The following DPP6 variants were observed in gnomAD, a reference collection of about 807,000 sequenced individuals.
DPP6 encodes the protein dipeptidyl peptidase like 6.
Under a neutral mutation model 122.6 loss-of-function variants are expected in DPP6, and 69 were observed. The ratio of observed to expected loss-of-function variants is 0.56; its 90% CI spans 0.46 to 0.69. The LOEUF (loss-of-function observed/expected upper bound fraction) is 0.69, where lower values mean the gene tolerates loss of function less well. DPP6 is among the 30% of genes least tolerant of loss of function. The pLI, the probability that DPP6 is intolerant of heterozygous loss-of-function variation, is 0.00. For synonymous variants in DPP6, 418 were observed against 433.1 expected (o/e 0.97, Z 0.43); for missense variants, 928 against 1,116.9 (o/e 0.83, Z 2.41).
chr7:154,152,076 CT>C (rs1235512814), intron 1 of DPP6, among the ~76,000 whole-genome samples: 3 of 151,014 alleles, frequency 2.0e-5, no homozygotes, highest in Non-Finnish European at 4.4e-5. Flanking sequence ...CTGTTGGACT[CT>C]TTTATGCCTT....
chr7:154,868,114 C>T (rs1161461102), intron 18 of DPP6, 21 bp downstream of exon 18: 2 of 1,579,022 alleles, frequency 1.3e-6, no homozygotes, highest in Admixed American at 1.8e-5. Flanking sequence ...CGTTTTTCCC[C>T]TCTAAAAGAA....
At chr7:154,141,810 C>T in intron 1 of DPP6, among the ~76,000 whole-genome samples, 1 of 152,164 alleles carries the variant, frequency 6.6e-6, no homozygotes, top group Non-Finnish European at 1.5e-5. Flanking sequence ...CAATCTTGGT[C>T]AGTACAGTCA....
chr7:154,048,486 G>A (rs921588988), upstream of DPP6, among the ~76,000 whole-genome samples: 3 of 74,104 alleles, frequency 4.0e-5, no homozygotes, highest in Non-Finnish European at 8.2e-5. Flanking sequence ...GATTTTCAGA[G>A]TGGAGAATAT....
the DPP6 span, among the ~76,000 whole-genome samples, chr7:153,778,605 T>C: frequency 2.7e-5 from 4 of 150,800 alleles, no homozygotes; most frequent in Non-Finnish European, 4.4e-5. Context: ...ACCATGATAA[T>C]CAAGAGAAAG....
intron 1 of DPP6, among the ~76,000 whole-genome samples, chr7:154,384,984 A>G (rs1257962923): frequency 6.6e-6 from 1 of 150,986 alleles, no homozygotes; most frequent in African/African-American, 2.4e-5. Context: ...TTATTTATTT[A>G]TTTATTTTGA....
chr7:153,858,163 G>A, the DPP6 span, among the ~76,000 whole-genome samples: 1 of 152,090 alleles, frequency 6.6e-6, no homozygotes, highest in Non-Finnish European at 1.5e-5. Flanking sequence ...AAAATGACAA[G>A]AGAGTTTTCT....
intron 17 of DPP6, among the ~76,000 whole-genome samples, chr7:154,855,235 G>A (rs997974146): frequency 5.3e-5 from 8 of 152,162 alleles, no homozygotes; most frequent in African/African-American, 1.7e-4. Context: ...AATGATGATA[G>A]TCTGCCAAGC....
intron 17 of DPP6, 149 bp downstream of exon 17, chr7:154,853,976 C>G (rs940336206): frequency 9.2e-7 from 1 of 1,091,452 alleles, no homozygotes; most frequent in Admixed American, 2.6e-5. Flanking sequence ...ATGCTGATCA[C>G]CAATATCAAC....
intron 1 of DPP6, among the ~76,000 whole-genome samples, chr7:154,351,481 G>A (rs1251659030): frequency 2.6e-5 from 4 of 152,092 alleles, no homozygotes; most frequent in Non-Finnish European, 5.9e-5. Flanking sequence ...AGATCAAAAG[G>A]GGTGGCCTCC....
intron 1 of DPP6, among the ~76,000 whole-genome samples, chr7:154,046,938 A>T (rs1231455842): frequency 6.6e-6 from 1 of 151,990 alleles, no homozygotes; most frequent in Non-Finnish European, 1.5e-5. Context: ...AACTGTTTCT[A>T]TTAGCCTGCA....
intron 1 of DPP6, among the ~76,000 whole-genome samples, chr7:154,200,151 G>T (rs2150783542): frequency 6.6e-6 from 1 of 152,052 alleles, no homozygotes; most frequent in East Asian, 1.9e-4. Context: ...ATCAGTCCAG[G>T]GTGTAGCTTG....
chr7:154,836,777 G>A (rs534090888), intron 16 of DPP6, among the ~76,000 whole-genome samples: 1 of 152,286 alleles, frequency 6.6e-6, no homozygotes, highest in Non-Finnish European at 1.5e-5. Flanking sequence ...CGTGACCTAA[G>A]CTCACTGAAA....
At chr7:154,500,449 G>A (rs11771308) in intron 3 of DPP6, among the ~76,000 whole-genome samples, 1 of 152,134 alleles carries the variant, frequency 6.6e-6, no homozygotes, top group Non-Finnish European at 1.5e-5. Context: ...CATTTTGAAT[G>A]GTAATTCCCA....
At chr7:154,096,466 A>G (rs1180626294) in intron 1 of DPP6, among the ~76,000 whole-genome samples, 2 of 139,244 alleles carry the variant, frequency 1.4e-5, no homozygotes, top group Non-Finnish European at 3.1e-5. Flanking sequence ...CAGTTAAGCA[A>G]GTCAGTAAAA....
At chr7:154,020,827 G>A (rs1280401650) in intron 1 of DPP6, among the ~76,000 whole-genome samples, 1 of 152,122 alleles carries the variant, frequency 6.6e-6, no homozygotes, top group East Asian at 1.9e-4. Context: ...AGAAACATGA[G>A]GCATTTAGGG....
chr7:154,885,539 A>G (rs1253796889), intron 21 of DPP6, 94 bp from the exon 22 acceptor site: 1 of 1,481,916 alleles, frequency 6.7e-7, no homozygotes, highest in African/African-American at 1.4e-5. Context: ...CCTGCATGGA[A>G]CTGGCTGCTC....
chr7:153,841,398 C>T, the DPP6 span, among the ~76,000 whole-genome samples: 1 of 152,172 alleles, frequency 6.6e-6, no homozygotes, highest in Non-Finnish European at 1.5e-5. Context: ...TCCAAGATTT[C>T]GTCTTGTTGA....
chr7:154,222,515 C>T (rs7795031), intron 1 of DPP6, among the ~76,000 whole-genome samples: 124,683 of 146,848 alleles, frequency 0.85, 53,908 homozygotes, highest in African/African-American at 0.89. Flanking sequence ...ATTAGCCGGG[C>T]GTGGTGGCGC....
At chr7:154,197,163 G>A (rs1798911543) in intron 1 of DPP6, among the ~76,000 whole-genome samples, 1 of 151,816 alleles carries the variant, frequency 6.6e-6, no homozygotes, top group South Asian at 2.1e-4. Context: ...CTGGTGAATT[G>A]CAATCTTTAT....
Sources: allele counts gnomAD v4.1 joint callset (sites outside exome capture counted in the v4.1 genomes callset), GRCh38; gene constraint gnomAD v4.1.1; transcripts MANE v1.5; gene names NCBI Gene and HGNC (gene_info 2026-07-23, HGNC 2026-07-21).